Variants in WWOX observed in about 807,000 individuals in gnomAD.
WWOX encodes WW domain-containing oxidoreductase.
In WWOX, 69 loss-of-function variants were observed where a neutral mutation model predicts 46.2. The ratio of observed to expected loss-of-function variants is 1.49; its 90% confidence interval spans 1.23 to 1.82. WWOX has a LOEUF of 1.82. Ranked by LOEUF, WWOX falls within the 40% of genes most tolerant of loss-of-function variation. The pLI, the probability that WWOX is intolerant of heterozygous loss-of-function variation, is 0.00. For synonymous variants in WWOX, 359 were observed against 202.6 expected, an observed-to-expected ratio of 1.77 and a Z score of -6.56; for missense variants, 919 against 542.6, an observed-to-expected ratio of 1.69 and a Z score of -6.89.
At chr16:78,828,632 A>G (rs1024350305) in intron 8 of WWOX, among the ~76,000 whole-genome samples, 2 of 152,306 alleles carry the variant, frequency 1.3e-5, no homozygotes, top group African/African-American at 4.8e-5. Context: ...ACGTGATATA[A>G]TCTATCATTA....
At chr16:78,909,285 G>T (rs562534663) in intron 8 of WWOX, among the ~76,000 whole-genome samples, 19 of 152,310 alleles carry the variant, frequency 1.2e-4, no homozygotes, top group African/African-American at 4.6e-4. Flanking sequence ...ACAGGCACTT[G>T]TAAATGTTGA....
intron 8 of WWOX, among the ~76,000 whole-genome samples, chr16:78,476,561 A>G (rs1464487492): frequency 6.6e-6 from 1 of 151,740 alleles, no homozygotes; most frequent in East Asian, 1.9e-4. Context: ...CATATGTAAC[A>G]AACCTGCACG....
At chr16:78,337,071 G>A (rs571821239) in intron 5 of WWOX, among the ~76,000 whole-genome samples, 24 of 152,206 alleles carry the variant, frequency 1.6e-4, no homozygotes, top group African/African-American at 5.5e-4. Flanking sequence ...GTCAGCTAGT[G>A]CACCTGACCC....
chr16:79,030,121 T>C (rs1370084572), intron 8 of WWOX, among the ~76,000 whole-genome samples: 3 of 152,212 alleles, frequency 2.0e-5, no homozygotes, highest in African/African-American at 7.2e-5. Context: ...ATGGAGCTTA[T>C]TGTTCACCAG....
rs537261672 is a variant in WWOX, at chr16:78,494,903, C to T, written c.1056+62151C>T. On this transcript the variant is annotated intron_variant, in intron 8 of 8. Coordinates refer to ENST00000566780, the MANE Select transcript of WWOX (RefSeq NM_016373.4). ...CCATTCGGAGGGTTTTAGGCCTGTC[C>T]TTAGAGAGGCTTGTTATTTCCTCTT... Among the ~76,000 whole-genome samples, 17 of 152,222 alleles carry T rather than the reference C, an allele frequency of 1.1e-4. No homozygotes were observed. The South Asian group carries it at 3.5e-3, about 32-fold the overall frequency.
intron 8 of WWOX, among the ~76,000 whole-genome samples, chr16:79,059,144 A>T (rs1567521372): frequency 6.6e-6 from 1 of 152,238 alleles, no homozygotes; most frequent in African/African-American, 2.4e-5. Flanking sequence ...GGAGTCATAA[A>T]CAGGTGGGAG....
In WWOX at chr16:78,779,134, GA is replaced by G. The variant is rs543951491; in HGVS notation, c.1056+346383del. ...TCTCAGTGTTGGAAAACATAAATGT[GA>G]CTCCAACTTGTCTTTTTTGTTGTTT... On this transcript the variant is annotated intron_variant, in intron 8 of 8. Transcript: ENST00000566780. 2.7e-3 allele frequency among the ~76,000 whole-genome samples: 409 copies of G among 152,202 alleles called. 2 individuals carry two copies. Among genetic ancestry groups the G allele is most frequent in the African/African-American group, 9.5e-3 (396 of 41,520 alleles).
chr16:79,136,996 A>G (rs1338758817), intron 8 of WWOX, among the ~76,000 whole-genome samples: 1 of 152,222 alleles, frequency 6.6e-6, no homozygotes, highest in Admixed American at 6.5e-5. Context: ...GGTGGAGGAA[A>G]AGACAACTGA....
chr16:78,611,234 T>G (rs146047926), intron 8 of WWOX, among the ~76,000 whole-genome samples: 2 of 152,080 alleles, frequency 1.3e-5, no homozygotes, highest in Non-Finnish European at 2.9e-5. Flanking sequence ...CGTGAGACTT[T>G]TGGTGAAAGA....
chr16:78,680,321 A>T (rs917502940), intron 8 of WWOX, among the ~76,000 whole-genome samples: 17 of 152,116 alleles, frequency 1.1e-4, no homozygotes, highest in African/African-American at 4.1e-4. Context: ...AGGTGGGAGG[A>T]TTGCGTGAGC....
At chr16:78,811,900 C>T (rs11643767) in intron 8 of WWOX, among the ~76,000 whole-genome samples, 2 of 151,946 alleles carry the variant, frequency 1.3e-5, no homozygotes, top group African/African-American at 4.8e-5. Context: ...GAGTCATGAG[C>T]ATAATAAGAT....
chr16:78,572,157 C>A (rs1276521873), intron 8 of WWOX, among the ~76,000 whole-genome samples: 1 of 152,118 alleles, frequency 6.6e-6, no homozygotes, highest in Non-Finnish European at 1.5e-5. Flanking sequence ...ATAGCAAGAA[C>A]CTGAAAGTCC....
intron 8 of WWOX, among the ~76,000 whole-genome samples, chr16:78,496,594 A>G (rs935638219): frequency 1.3e-5 from 2 of 152,226 alleles, no homozygotes; most frequent in Admixed American, 6.5e-5. Flanking sequence ...GATTTGTCCC[A>G]TTACACTGCT....
At chr16:78,671,346 G>T (rs1396616881) in intron 8 of WWOX, among the ~76,000 whole-genome samples, 2 of 152,174 alleles carry the variant, frequency 1.3e-5, no homozygotes. Flanking sequence ...CATCATTTGA[G>T]CCTGGGAGGT....
intron 4 of WWOX, among the ~76,000 whole-genome samples, chr16:78,135,754 A>G (rs181198549): frequency 7.2e-4 from 109 of 152,290 alleles, no homozygotes; most frequent in Non-Finnish European, 1.5e-4. Context: ...TCAAAAAGAT[A>G]ATAGCAGGGA....
At chr16:78,690,363 CA>C (rs2047957556) in intron 8 of WWOX, among the ~76,000 whole-genome samples, 1 of 152,106 alleles carries the variant, frequency 6.6e-6, no homozygotes, top group Non-Finnish European at 1.5e-5. Flanking sequence ...CTGCCCTGGG[CA>C]GCACAGTGAG....
intron 8 of WWOX, among the ~76,000 whole-genome samples, chr16:78,677,455 T>A (rs1056833739): frequency 1.3e-5 from 2 of 152,138 alleles, no homozygotes; most frequent in African/African-American, 4.8e-5. Context: ...ACAAAAAAAA[T>A]TCGGATTTCC....
At position 78,399,180 on chromosome 16, in the gene WWOX, G is replaced by A. The variant is rs77406399; in HGVS notation, c.605+12232G>A. On this transcript the variant is annotated intron_variant, in intron 6 of 8. Coordinates refer to ENST00000566780, the MANE Select transcript of WWOX (RefSeq NM_016373.4). ...GGATAGAAGGTTGGAAGACAGGAAG[G>A]ATGGAACGGAAGAAGAGGGAAGAAC... is the stretch of plus-strand genomic sequence containing the variant. Among the ~76,000 whole-genome samples, 31 of 152,304 alleles carry A rather than the reference G, an allele frequency of 2.0e-4. No homozygotes were observed. In the East Asian group the frequency reaches 5.8e-3, roughly 29 times the overall value.
intron 8 of WWOX, among the ~76,000 whole-genome samples, chr16:79,109,427 C>G (rs1414794414): frequency 2.0e-5 from 3 of 152,032 alleles, no homozygotes; most frequent in African/African-American, 4.8e-5. Context: ...TTTTATGGCT[C>G]TTTTTTACTT....
Sources: allele counts gnomAD v4.1 joint callset (sites outside exome capture counted in the v4.1 genomes callset), GRCh38; gene constraint gnomAD v4.1.1; transcripts MANE v1.5; gene names NCBI Gene and HGNC (gene_info 2026-07-23, HGNC 2026-07-21).